SNRNP27: variants seen among roughly 807,000 people sequenced by gnomAD.
SNRNP27 encodes small nuclear ribonucleoprotein U4/U6.U5 subunit 27, also known as U4/U6.U5 small nuclear ribonucleoprotein 27 kDa protein.
A neutral mutation model predicts 25.1 loss-of-function variants in SNRNP27; 22 were observed. The ratio of observed to expected loss-of-function variants is 0.88; its 90% CI spans 0.63 to 1.25. The LOEUF is 1.25. SNRNP27 is among the 50% of genes most tolerant of loss of function. The pLI, the probability that SNRNP27 is intolerant of heterozygous loss-of-function variation, is 0.00. For synonymous variants in SNRNP27, 66 were observed against 64.9 expected, an observed-to-expected ratio of 1.02 and a Z score of -0.08; for missense variants, 150 against 202.3, an observed-to-expected ratio of 0.74 and a Z score of 1.57.
Position 69,903,167 on chromosome 2 carries a change from T to C in SNRNP27, c.349-14T>C, listed in dbSNP as rs1287203398. 6 of 1,605,764 alleles carry C rather than the reference T, an allele frequency of 3.7e-6. No individual in the cohort carries two copies. The highest frequency in any genetic ancestry group is 4.3e-6 in the Non-Finnish European group (5 of 1,172,452). On this transcript the variant is annotated splice_polypyrimidine_tract_variant and intron_variant, in intron 4 of 5. Coordinates refer to ENST00000244227, the MANE Select transcript of SNRNP27 (RefSeq NM_006857.3). The stretch of plus-strand genomic sequence containing the variant: ...TTCCTGTTTTTTGTCTGTTTGTTTA[T>C]TGTTTTTCTTCAGGGTAAGAAGGTG...
intron 5 of SNRNP27, 25 bp from the exon 6 acceptor site, chr2:69,904,229 A>G: frequency 6.4e-7 from 1 of 1,554,110 alleles, no homozygotes; most frequent in Non-Finnish European, 8.7e-7. Context: ...AAAAAAAAAC[A>G]ATGAATTTTC....
intron 2 of SNRNP27, 69 bp from the exon 3 acceptor site, chr2:69,896,367 A>G: frequency 2.1e-6 from 3 of 1,408,040 alleles, no homozygotes; most frequent in Non-Finnish European, 3.0e-6. Context: ...CACCTCATGT[A>G]TATCTGTGCT....
At chr2:69,897,627 G>C in intron 4 of SNRNP27, 171 bp downstream of exon 4, 1 of 598,650 alleles carries the variant, frequency 1.7e-6, no homozygotes, top group Non-Finnish European at 3.0e-6. Flanking sequence ...GGAATTCAGG[G>C]AGTGGTTGCC....
chr2:69,895,114 A>G lies in SNRNP27; in HGVS notation c.55A>G (p.Thr19Ala), dbSNP rs1295776882. 3.1e-6 allele frequency: 5 copies of G among 1,613,398 alleles called. No homozygotes were observed. The African/African-American group carries it at 6.7e-5, about 22-fold the overall frequency. ...PRRERRRSRS[T>A]SRERERRRRE... ...ATTAGAACGTAGGCGTTCCCGGTCCACATCCCGGGAGAGAGAACGCAGGCG... is the reference window on the plus strand; with the variant it reads ...ATTAGAACGTAGGCGTTCCCGGTCCGCATCCCGGGAGAGAGAACGCAGGCG... Residue 19 changes from threonine (T) to alanine (A), a missense_variant, in exon 2 of 6, where the codon ACA becomes GCA. Thr to Ala is a moderately conservative substitution (Grantham distance 58). Transcript: ENST00000244227.
At chr2:69,894,863 T>C (rs1005738891) in intron 1 of SNRNP27, among the ~76,000 whole-genome samples, 1 of 152,052 alleles carries the variant, frequency 6.6e-6, no homozygotes, top group African/African-American at 2.4e-5. Flanking sequence ...TGTATTTTTA[T>C]TAGAGACGGG....
At chr2:69,895,573 C>T (rs143177050) in intron 2 of SNRNP27, among the ~76,000 whole-genome samples, 11,743 of 152,108 alleles carry the variant, frequency 0.077, 626 homozygotes, top group Non-Finnish European at 0.12. Context: ...GACGGAGTCT[C>T]GCTCTGTCAC....
At position 69,902,209 on chromosome 2, in the gene SNRNP27, T is replaced by C. The variant is rs62151995; in HGVS notation, c.349-972T>C. ...ACTCTCCTCCTTCCTCCTTCCTCCT[T>C]CCTCCTCCCTCCTTCCTCCTCCCTT... On this transcript the variant is annotated intron_variant, in intron 4 of 5. Coordinates refer to ENST00000244227, the MANE Select transcript of SNRNP27 (RefSeq NM_006857.3). Among the ~76,000 whole-genome samples the C allele has an allele frequency of 1.4e-4, 14 of 97,136 alleles. No homozygotes were observed. The East Asian group carries it at 2.3e-3, about 16-fold the overall frequency. The allele number at this position is 97,136 out of a possible 152,430, so 63.7% of individuals were successfully genotyped here.
At chr2:69,897,502 C>T in intron 4 of SNRNP27, 46 bp downstream of exon 4, 1 of 1,327,358 alleles carries the variant, frequency 7.5e-7, no homozygotes, top group Non-Finnish European at 1.1e-6. Context: ...TATGTTATGA[C>T]TGTCCTATCT....
At chr2:69,899,534 A>G (rs58206747) in intron 4 of SNRNP27, among the ~76,000 whole-genome samples, 31,276 of 151,942 alleles carry the variant, frequency 0.21, 3,446 homozygotes, top group African/African-American at 0.26. Flanking sequence ...GGTTCAACCG[A>G]TTCTCCTGCC....
intron 2 of SNRNP27, among the ~76,000 whole-genome samples, chr2:69,895,988 T>TGA (rs1491198907): frequency 9.7e-5 from 13 of 133,408 alleles, no homozygotes; most frequent in South Asian, 2.4e-4. Flanking sequence ...TTTTTTTTTT[T>TGA]GAGAGAGAGG....
Position 69,895,184 on chromosome 2 carries a change from G to T in SNRNP27, c.125G>T (p.Arg42Leu). 1 of 1,614,094 alleles carries T rather than the reference G, an allele frequency of 6.2e-7. No individual in the cohort carries two copies. Among genetic ancestry groups the T allele is most frequent in the Non-Finnish European group, 8.5e-7 (1 of 1,180,012 alleles). The change falls in exon 2 of 6, where the codon CGC becomes CTC. Residue 42 changes from arginine (R) to leucine (L), a missense_variant. Around this residue, in one of 2 missense-constraint regions of SNRNP27, gnomAD observed 142 missense variants for 168.6 expected, o/e 0.84. Coordinates refer to ENST00000244227, the MANE Select transcript of SNRNP27 (RefSeq NM_006857.3). ...CGGGAGAGAGATCGGAGAAGGAGCC[G>T]CTCGCGATCCCCGCACCGAAGACGC... ...RSRERDRRRSRSRSPHRRRSR... is the reference protein window; with the variant it reads ...RSRERDRRRSLSRSPHRRRSR...
rs1676765158 is a variant in SNRNP27 at position 69,904,742 on chromosome 2, A to C, written c.*434A>C. On this transcript the variant is annotated 3_prime_UTR_variant, in exon 6 of 6. Transcript: ENST00000244227. Reference sequence around the variant, plus strand: ...TCTTTTTTTTTTCACACATAGATTTAAGTATCTTGATTGTTAGTAGTCTAA... The same window carrying C: ...TCTTTTTTTTTTCACACATAGATTTCAGTATCTTGATTGTTAGTAGTCTAA... 5.2e-6 allele frequency: 1 copy of C among 190,576 alleles called. No homozygotes were observed. The highest frequency in any genetic ancestry group is 2.3e-5 in the African/African-American group (1 of 42,650). 11.8% of individuals were successfully genotyped at this position (190,576 alleles called of 1,614,324 possible). A position where few individuals can be genotyped will look rare whatever the true frequency, so the allele number is the denominator to read the frequency against.
In SNRNP27 at chr2:69,905,009, C is replaced by T. The variant is rs1676772033; in HGVS notation, c.*701C>T. The T allele has an allele frequency of 2.0e-5, 3 of 152,382 alleles. No individual in the cohort carries two copies. The highest frequency in any genetic ancestry group is 1.3e-4 in the Admixed American group (2 of 15,296). The allele number at this position is 152,382 out of a possible 1,614,324, so 9.4% of individuals were successfully genotyped here. A position where few individuals can be genotyped will look rare whatever the true frequency, so the allele number is the denominator to read the frequency against. On this transcript the variant is annotated 3_prime_UTR_variant, in exon 6 of 6. Transcript: ENST00000244227. ...CCAGGCTTCTTTGGGTTGATCCCACCTATGAGATCAGAATATGTATGCAGT... is the reference window on the plus strand; with the variant it reads ...CCAGGCTTCTTTGGGTTGATCCCACTTATGAGATCAGAATATGTATGCAGT...
In SNRNP27 at chr2:69,904,622, A is replaced by C. The variant is rs1360301937; in HGVS notation, c.*314A>C. 1.7e-5 allele frequency: 8 copies of C among 476,876 alleles called. No homozygotes were observed. The highest frequency in any genetic ancestry group is 2.2e-5 in the Non-Finnish European group (6 of 273,946). 29.5% of individuals were successfully genotyped at this position (476,876 alleles called of 1,614,324 possible). The stretch of plus-strand genomic sequence containing the variant: ...ATTAGGACTTCTTAAAAAACATGAA[A>C]GTAATTTGGAAGTAAGTTTATCCAA... On this transcript the variant is annotated 3_prime_UTR_variant, in exon 6 of 6. Transcript: ENST00000244227.
At chr2:69,898,852 A>G (rs1246386082) in intron 4 of SNRNP27, among the ~76,000 whole-genome samples, 1 of 152,204 alleles carries the variant, frequency 6.6e-6, no homozygotes, top group Non-Finnish European at 1.5e-5. Context: ...TTATTTTCCA[A>G]AGACTATTTT....
intron 2 of SNRNP27, 92 bp downstream of exon 2, chr2:69,895,306 G>T: frequency 6.9e-7 from 1 of 1,455,992 alleles, no homozygotes; most frequent in Non-Finnish European, 9.2e-7. Context: ...CGCTTATAAG[G>T]GGATTTACGG....
At chr2:69,897,624 A>C in intron 4 of SNRNP27, 168 bp downstream of exon 4, 1 of 604,636 alleles carries the variant, frequency 1.7e-6, no homozygotes, top group East Asian at 2.8e-5. Context: ...ATTGGAATTC[A>C]GGGAGTGGTT....
chr2:69,904,291 T>C lies in SNRNP27; in HGVS notation c.451T>C (p.Leu151=). The change falls in exon 6 of 6, where the codon TTG becomes CTG. Residue 151 remains leucine (L), a synonymous_variant. Coordinates refer to ENST00000244227, the MANE Select transcript of SNRNP27 (RefSeq NM_006857.3). ...TCGAAAAGGTGGATTCAACAGACCT[T>C]TGGATTTCATTGCATGAGAATTGAA... ...MNRKGGFNRP[L]DFIA is the part of the protein sequence containing the mutation. 1 of 1,610,882 alleles carries C rather than the reference T, an allele frequency of 6.2e-7. No individual in the cohort carries two copies. Among genetic ancestry groups the C allele is most frequent in the Non-Finnish European group, 8.5e-7 (1 of 1,178,548 alleles).
rs770286053 is a variant in SNRNP27 at position 69,893,991 on chromosome 2, C to G, written c.7C>G (p.Arg3Gly). Residue 3 changes from arginine to glycine, a missense_variant, in exon 1 of 6, where the codon CGC (arginine) becomes GGC (glycine). This residue lies in a region of SNRNP27 where 142 missense variants were observed against 168.6 expected (regional missense o/e 0.84). Transcript: ENST00000244227. ...CCGGGAAGCGGGACTCCAAATGGGTCGCAGTCGCAGCCGCTCTCCACGGAG... is the reference window on the plus strand; with the variant it reads ...CCGGGAAGCGGGACTCCAAATGGGTGGCAGTCGCAGCCGCTCTCCACGGAG... MG[R>G]SRSRSPRRER... 1.5e-5 allele frequency: 25 copies of G among 1,613,878 alleles called. No homozygotes were observed. The highest frequency in any genetic ancestry group is 1.9e-5 in the Non-Finnish European group (23 of 1,179,962).
Sources: gnomAD v4.1 joint callset for allele counts (sites outside exome capture counted in the v4.1 genomes callset) on GRCh38, gnomAD v4.1.1 for gene constraint, gnomAD v4.1.1 regional missense constraint, MANE v1.5 for transcripts, NCBI Gene and HGNC (gene_info 2026-07-23, HGNC 2026-07-21) for gene names.